PCDHA4: variants seen among roughly 807,000 people sequenced by gnomAD.
PCDHA4 encodes the protein protocadherin alpha-4.
PCDHA4 carries 49 observed loss-of-function variants against 61.4 expected under a neutral mutation model. The ratio of observed to expected loss-of-function variants is 0.80; its 90% CI spans 0.63 to 1.01. The LOEUF (loss-of-function observed/expected upper bound fraction) is 1.01. PCDHA4 is among the 50% of genes least tolerant of loss of function. The pLI is 0.00. For synonymous variants in PCDHA4, 590 were observed against 550.3 expected (o/e 1.07, Z -1.01); for missense variants, 1,254 against 1,235.8 (o/e 1.01, Z -0.22).
intron 1 of PCDHA4, chr5:140,969,437 T>C (rs1429370144): frequency 1.8e-5 from 28 of 1,547,818 alleles, no homozygotes; most frequent in Non-Finnish European, 2.4e-5. Context: ...ACAAGAGTTA[T>C]CTGGTAAACT....
chr5:140,901,331 G>A (rs545187943), intron 1 of PCDHA4, among the ~76,000 whole-genome samples: 66 of 152,062 alleles, frequency 4.3e-4, no homozygotes, highest in Non-Finnish European at 7.1e-4. Flanking sequence ...TCTTGTAGTC[G>A]TTTTATAGTT....
intron 1 of PCDHA4, among the ~76,000 whole-genome samples, chr5:140,956,583 C>T (rs155799): frequency 0.28 from 42,736 of 152,052 alleles, 6,865 homozygotes; most frequent in East Asian, 0.53. Context: ...TGCATTGATG[C>T]TTATCAGGGA....
intron 3 of PCDHA4, among the ~76,000 whole-genome samples, chr5:140,996,673 T>C (rs2097737293): frequency 6.6e-6 from 1 of 152,200 alleles, no homozygotes; most frequent in African/African-American, 2.4e-5. Context: ...TTTTGAACCA[T>C]GTTGGGCTAG....
chr5:140,807,893 A>G lies in PCDHA4; in HGVS notation c.706A>G (p.Asn236Asp), dbSNP rs1764055022. Residue 236 changes from asparagine to aspartate, a missense_variant, in exon 1 of 4, where the codon AAT (asparagine) becomes GAT (aspartate). Physicochemically the swap from Asn to Asp is conservative, Grantham distance 23. Transcript: ENST00000530339. ...GTTACTCATCACAGTACTGGATGCC[A>G]ATGACAATGCCCCAGCTTTTGACAG... Reference protein sequence around the residue: ...VQLLITVLDANDNAPAFDRTI... With the variant: ...VQLLITVLDADDNAPAFDRTI... The G allele has an allele frequency of 6.2e-7, 1 of 1,613,990 alleles. No individual in the cohort carries two copies. Among genetic ancestry groups the G allele is most frequent in the African/African-American group, 1.3e-5 (1 of 74,932 alleles).
intron 1 of PCDHA4, chr5:140,841,468 G>C: frequency 6.2e-7 from 1 of 1,612,986 alleles, no homozygotes; most frequent in Non-Finnish European, 8.5e-7. Flanking sequence ...GCCGGATCGC[G>C]CAGGACCTGG....
chr5:140,976,466 G>C (rs1404890940), intron 1 of PCDHA4, among the ~76,000 whole-genome samples: 1 of 152,104 alleles, frequency 6.6e-6, no homozygotes, highest in African/African-American at 2.4e-5. Flanking sequence ...AAGAAGAATT[G>C]CTTGAATCCG....
intron 1 of PCDHA4, among the ~76,000 whole-genome samples, chr5:140,978,103 A>G (rs2096789005): frequency 6.6e-6 from 1 of 152,106 alleles, no homozygotes; most frequent in South Asian, 2.1e-4. Flanking sequence ...AACTCCCCCA[A>G]CAGTCTTTAA....
intron 1 of PCDHA4, chr5:140,929,247 T>G (rs2085977234): frequency 1.9e-6 from 3 of 1,613,780 alleles, no homozygotes. Flanking sequence ...ATCTTGCCAC[T>G]GGGGTAGGAC....
In PCDHA4 at chr5:140,883,729, C is replaced by T. The variant is rs572170960; in HGVS notation, c.2385+74157C>T. 8 of 1,613,520 alleles carry T rather than the reference C, an allele frequency of 5.0e-6. No homozygotes were observed. In the African/African-American group the frequency reaches 8.0e-5, roughly 16 times the overall value. ...CTCAGGACGCGGACGCACAGGAGAA[C>T]GCGCTGGTCTCCTACTCGCTGGTGG... On this transcript the variant is annotated intron_variant, in intron 1 of 3. Coordinates refer to ENST00000530339, the MANE Select transcript of PCDHA4 (RefSeq NM_018907.4).
At chr5:140,942,105 A>G (rs572263085) in intron 1 of PCDHA4, among the ~76,000 whole-genome samples, 2 of 152,344 alleles carry the variant, frequency 1.3e-5, no homozygotes, top group South Asian at 2.1e-4. Context: ...CATTCATATA[A>G]TCAAACTTTA....
intron 1 of PCDHA4, among the ~76,000 whole-genome samples, chr5:140,962,815 A>C (rs782313534): frequency 3.3e-5 from 5 of 152,242 alleles, no homozygotes; most frequent in Non-Finnish European, 7.3e-5. Flanking sequence ...AACATCAGAG[A>C]TGACCATTTG....
chr5:140,944,310 C>T (rs1036800359), intron 1 of PCDHA4, among the ~76,000 whole-genome samples: 6 of 152,132 alleles, frequency 3.9e-5, no homozygotes, highest in Non-Finnish European at 7.4e-5. Flanking sequence ...ACCTCAGCCT[C>T]CTGAGTAGCT....
At chr5:140,812,281 A>G (rs1488791435) in intron 1 of PCDHA4, 2 of 151,894 alleles carry the variant, frequency 1.3e-5, no homozygotes, top group African/African-American at 4.8e-5. Context: ...CTTCTAGGTT[A>G]TTGAATTTTT....
In PCDHA4 at chr5:140,844,364, G is replaced by A. The variant is rs1281881070; in HGVS notation, c.2385+34792G>A. Reference sequence around the variant, plus strand: ...AGTAAAATCAAGAGGGAAGAGATTTGTAATCCTTCTTTTAATTCATTATTT... The same window carrying A: ...AGTAAAATCAAGAGGGAAGAGATTTATAATCCTTCTTTTAATTCATTATTT... On this transcript the variant is annotated intron_variant, in intron 1 of 3. Coordinates refer to ENST00000530339, the MANE Select transcript of PCDHA4 (RefSeq NM_018907.4). Among the ~76,000 whole-genome samples, 3 of 149,238 alleles carry A rather than the reference G, an allele frequency of 2.0e-5. 1 individual carries two copies. The highest frequency in any genetic ancestry group is 4.5e-5 in the Non-Finnish European group (3 of 66,742).
At chr5:140,980,094 TA>T (rs1554241421) in intron 2 of PCDHA4, among the ~76,000 whole-genome samples, 1 of 152,218 alleles carries the variant, frequency 6.6e-6, no homozygotes, top group African/African-American at 2.4e-5. Context: ...GTTGGCTTGG[TA>T]AGATGTCACA....
rs782673935 is a variant in PCDHA4 at position 140,857,328 on chromosome 5, G to A, written c.2385+47756G>A. ...GCCTATGAGCTGGTGGTGACCGCGC[G>A]GGACGGGGGCTCGCCTCCGCTGTGG... is the stretch of plus-strand genomic sequence containing the variant. On this transcript the variant is annotated intron_variant, in intron 1 of 3. Transcript: ENST00000530339. 7.5e-6 allele frequency: 12 copies of A among 1,598,502 alleles called. 1 individual carries two copies. The highest frequency in any genetic ancestry group is 1.3e-5 in the African/African-American group (1 of 74,410).
chr5:140,927,460 G>A, intron 1 of PCDHA4: 2 of 1,614,148 alleles, frequency 1.2e-6, no homozygotes, highest in South Asian at 1.1e-5. Context: ...GTTGGAGAAA[G>A]CACTGGATCG....
chr5:140,828,800 G>T (rs2150159124), intron 1 of PCDHA4: 8 of 1,614,104 alleles, frequency 5.0e-6, no homozygotes, highest in Non-Finnish European at 6.8e-6. Context: ...GGATGTGAAT[G>T]ATAATGCTCC....
At chr5:140,855,753 G>A (rs1461376517) in intron 1 of PCDHA4, 1 of 333,040 alleles carries the variant, frequency 3.0e-6, no homozygotes, top group African/African-American at 2.1e-5. Context: ...GTGAGGCTTT[G>A]AAAGTCCATA....
Sources: allele counts gnomAD v4.1 joint callset (sites outside exome capture counted in the v4.1 genomes callset), GRCh38; gene constraint gnomAD v4.1.1; transcripts MANE v1.5; gene names NCBI Gene and HGNC (gene_info 2026-07-23, HGNC 2026-07-21).